KLF12: variants seen among roughly 807,000 people sequenced by gnomAD.
KLF12 encodes Krueppel-like factor 12.
In KLF12, 9 loss-of-function variants were observed where a neutral mutation model predicts 37.8. That is an observed-to-expected ratio of 0.24 (90% confidence interval 0.14 to 0.42). The LOEUF is 0.42. Among genes scored for constraint, KLF12 ranks in the 10% least tolerant of loss-of-function variants. The pLI is 1.00. For missense variants in KLF12, 411 were observed against 516.0 expected (o/e 0.80, Z 1.97); for synonymous variants, 208 against 202.1 (o/e 1.03, Z -0.25).
chr13:73,741,824 G>A (rs979591170), intron 6 of KLF12, among the ~76,000 whole-genome samples: 2 of 152,202 alleles, frequency 1.3e-5, no homozygotes, highest in African/African-American at 2.4e-5. Context: ...CCAGAAAATT[G>A]TGAGACTGGT....
the KLF12 span, among the ~76,000 whole-genome samples, chr13:74,226,893 C>T: frequency 6.6e-6 from 1 of 152,112 alleles, no homozygotes; most frequent in South Asian, 2.1e-4. Flanking sequence ...CCATAGTAGT[C>T]ATTTGTTTGT....
At chr13:74,204,404 A>G in the KLF12 span, among the ~76,000 whole-genome samples, 1 of 152,186 alleles carries the variant, frequency 6.6e-6, no homozygotes, top group Non-Finnish European at 1.5e-5. Flanking sequence ...AATAATATAC[A>G]TTAGACTCAT....
At chr13:73,715,555 T>C in intron 6 of KLF12, 30 bp from the exon 7 acceptor site, 1 of 1,608,388 alleles carries the variant, frequency 6.2e-7, no homozygotes, top group East Asian at 2.2e-5. Context: ...AGTTACACGG[T>C]GAGATGCACA....
chr13:74,082,163 T>TAAAAAAAAAAAAC (rs1874938704), intron 1 of KLF12, among the ~76,000 whole-genome samples: 4 of 114,758 alleles, frequency 3.5e-5, no homozygotes, highest in African/African-American at 1.4e-4. Context: ...CCCTGTCTCT[T>TAAAAAAAAAAAAC]AAAAAAAAAA....
At chr13:74,241,674 C>G in the KLF12 span, among the ~76,000 whole-genome samples, 1 of 152,174 alleles carries the variant, frequency 6.6e-6, no homozygotes, top group South Asian at 2.1e-4. Context: ...TTAAGCCCGT[C>G]GGAAAAGCGC....
chr13:73,731,893 C>G (rs1566326181), intron 6 of KLF12, among the ~76,000 whole-genome samples: 1 of 152,110 alleles, frequency 6.6e-6, no homozygotes. Flanking sequence ...TTAGCTATGT[C>G]TTAGAGAAAT....
chr13:73,742,626 G>A (rs1878082605), intron 6 of KLF12, among the ~76,000 whole-genome samples: 1 of 151,978 alleles, frequency 6.6e-6, no homozygotes, highest in Non-Finnish European at 1.5e-5. Flanking sequence ...CATTTCAAAT[G>A]TATCATTTTA....
At chr13:74,077,013 A>AT (rs1779600908) in intron 1 of KLF12, among the ~76,000 whole-genome samples, 1 of 152,178 alleles carries the variant, frequency 6.6e-6, no homozygotes, top group African/African-American at 2.4e-5. Context: ...TCTGTGGTGT[A>AT]TATGTACCAC....
At chr13:73,930,860 A>AT (rs11432866) in intron 3 of KLF12, among the ~76,000 whole-genome samples, 74,918 of 109,934 alleles carry the variant, frequency 0.68, 26,351 homozygotes, top group East Asian at 0.86. Flanking sequence ...AACTGGAAAC[A>AT]TTTTTTTTTT....
chr13:74,159,283 T>C, the KLF12 span, among the ~76,000 whole-genome samples: 1 of 152,286 alleles, frequency 6.6e-6, no homozygotes, highest in South Asian at 2.1e-4. Flanking sequence ...TTCACATGAA[T>C]GAGTGCCATC....
At chr13:73,961,502 A>G (rs745453352) in intron 2 of KLF12, among the ~76,000 whole-genome samples, 45 of 152,288 alleles carry the variant, frequency 3.0e-4, no homozygotes, top group Non-Finnish European at 5.7e-4. Context: ...ACTCTGTGAG[A>G]ACCAGTATTC....
chr13:73,787,737 G>A (rs973786798), intron 5 of KLF12, among the ~76,000 whole-genome samples: 1 of 152,110 alleles, frequency 6.6e-6, no homozygotes, highest in African/African-American at 2.4e-5. Flanking sequence ...TTCTGTTCTC[G>A]AAGATACAAT....
chr13:73,703,324 CAATT>C lies in KLF12; in HGVS notation c.1028-7657_1028-7654del, dbSNP rs557387376. Among the ~76,000 whole-genome samples, 329 of 151,986 alleles carry C rather than the reference CAATT, an allele frequency of 2.2e-3. 3 individuals carry two copies. Among genetic ancestry groups the C allele is most frequent in the African/African-American group, 7.8e-3 (324 of 41,474 alleles). ...TGGATCCTGTTTGCTATTTTTTCAG[CAATT>C]AATTATAGTTTTGGGGTAAGCAGAT... On this transcript the variant is annotated intron_variant, in intron 7 of 7. Coordinates refer to ENST00000377669, the MANE Select transcript of KLF12 (RefSeq NM_007249.5).
chr13:73,824,945 T>G (rs1883752637), intron 4 of KLF12, among the ~76,000 whole-genome samples: 1 of 151,994 alleles, frequency 6.6e-6, no homozygotes, highest in Non-Finnish European at 1.5e-5. Context: ...GGCGTGCACT[T>G]GTAATCCCCG....
chr13:73,977,688 TG>T (rs1489317057), intron 2 of KLF12, among the ~76,000 whole-genome samples: 1 of 152,192 alleles, frequency 6.6e-6, no homozygotes, highest in Non-Finnish European at 1.5e-5. Context: ...AGAACAATGT[TG>T]AAGAAATGAC....
the KLF12 span, among the ~76,000 whole-genome samples, chr13:74,245,296 T>A: frequency 4.0e-5 from 2 of 50,140 alleles, no homozygotes; most frequent in Non-Finnish European, 8.6e-5. Flanking sequence ...GATAAGTTTA[T>A]CTATCTATCT....
intron 1 of KLF12, among the ~76,000 whole-genome samples, chr13:74,022,745 C>A (rs1892875136): frequency 6.6e-6 from 1 of 152,000 alleles, no homozygotes; most frequent in South Asian, 2.1e-4. Flanking sequence ...CACTCCAACC[C>A]CCCCAACATA....
chr13:73,794,752 ATT>A (rs1286051840), intron 5 of KLF12, among the ~76,000 whole-genome samples: 1 of 152,168 alleles, frequency 6.6e-6, no homozygotes, highest in Non-Finnish European at 1.5e-5. Flanking sequence ...ATTACCCTAT[ATT>A]CTTTCTTTAA....
chr13:73,739,121 C>CT (rs1158648148), intron 6 of KLF12, among the ~76,000 whole-genome samples: 2 of 151,866 alleles, frequency 1.3e-5, no homozygotes, highest in African/African-American at 4.8e-5. Flanking sequence ...TGTAATCCCA[C>CT]TACTCGGGAG....
Sources: gnomAD v4.1 joint callset for allele counts (sites outside exome capture counted in the v4.1 genomes callset) on GRCh38, gnomAD v4.1.1 for gene constraint, MANE v1.5 for transcripts, NCBI Gene and HGNC (gene_info 2026-07-23, HGNC 2026-07-21) for gene names.